The following TANC2 variants were observed in gnomAD, a reference collection of about 807,000 sequenced individuals.
The protein encoded by TANC2 is tetratricopeptide repeat, ankyrin repeat and coiled-coil containing 2.
In TANC2, 26 loss-of-function variants were observed where a neutral mutation model predicts 210.5. The observed-to-expected ratio is 0.12, with a 90% CI of 0.09 to 0.17. TANC2 has a LOEUF of 0.17. TANC2 is among the 10% of genes least tolerant of loss of function. The pLI, the probability that TANC2 is intolerant of heterozygous loss-of-function variation, is 1.00. For missense variants in TANC2, 2,129 were observed against 2,608.9 expected, an observed-to-expected ratio of 0.82 and a Z score of 4.01; for synonymous variants, 931 against 967.1, an observed-to-expected ratio of 0.96 and a Z score of 0.69.
chr17:63,102,095 G>A (rs1043153665), intron 4 of TANC2, among the ~76,000 whole-genome samples: 1 of 152,112 alleles, frequency 6.6e-6, no homozygotes, highest in African/African-American at 2.4e-5. Flanking sequence ...GAGGCCAGAA[G>A]TTTGAGACCA....
rs371281397 is a variant in TANC2 at position 63,063,674 on chromosome 17, T to TTGTGTGTGTGTGTGTGTG, written c.68-10261_68-10244dup. On this transcript the variant is annotated intron_variant, in intron 2 of 27. Coordinates refer to ENST00000689528, the Ensembl canonical transcript of TANC2. ...CAATATCACACTTTGTTACCCAGTATTGTGTGTGTGTGTGTGTGTGTGTGT... is the reference window on the plus strand; with the variant it reads ...CAATATCACACTTTGTTACCCAGTATTGTGTGTGTGTGTGTGTGTGTGTGTGTGTGTGTGTGTGTGTGT... 1.9e-3 allele frequency among the ~76,000 whole-genome samples: 256 copies of TTGTGTGTGTGTGTGTGTG among 137,482 alleles called. 1 individual carries two copies. The highest frequency in any genetic ancestry group is 4.8e-3 in the African/African-American group (177 of 36,898). The allele number at this position is 137,482 out of a possible 152,430, so 90.2% of individuals were successfully genotyped here. A position where few individuals can be genotyped will look rare whatever the true frequency, so the allele number is the denominator to read the frequency against.
chr17:62,966,238 G>C lies in TANC2; in HGVS notation c.-535G>C, dbSNP rs962554103. The stretch of plus-strand genomic sequence containing the variant: ...GGTGCGACGCCCCCAGCGCGGCGGC[G>C]GCGCTAGCGAGCGGCCGGCGGGGCG... On this transcript the variant is annotated 5_prime_UTR_variant, in exon 1 of 28. Coordinates refer to ENST00000689528, the Ensembl canonical transcript of TANC2. The surrounding 1 kb of genome is among the most constrained non-coding windows in gnomAD (Gnocchi z 5.1). Among the ~76,000 whole-genome samples the C allele has an allele frequency of 3.4e-5, 5 of 146,268 alleles. No homozygotes were observed. The highest frequency in any genetic ancestry group is 7.6e-5 in the Non-Finnish European group (5 of 65,856).
chr17:63,388,826 TAAG>T, intron 16 of TANC2, 69 bp downstream of exon 16: 1 of 1,209,418 alleles, frequency 8.3e-7, no homozygotes, highest in South Asian at 1.9e-5. Flanking sequence ...AGAAGGACAT[TAAG>T]TAGCTATTTA....
intron 15 of TANC2, among the ~76,000 whole-genome samples, chr17:63,380,215 A>C (rs1221804063): frequency 1.3e-5 from 2 of 152,214 alleles, no homozygotes; most frequent in East Asian, 1.9e-4. Flanking sequence ...TTTTAGTGAC[A>C]ATAATAACAT....
chr17:63,254,457 G>A (rs943842488), intron 8 of TANC2, among the ~76,000 whole-genome samples: 4 of 152,072 alleles, frequency 2.6e-5, no homozygotes, highest in Non-Finnish European at 5.9e-5. Flanking sequence ...CAGTTTGGAT[G>A]CCCTATATTT....
At chr17:63,298,705 AT>A (rs1350392139) in intron 9 of TANC2, among the ~76,000 whole-genome samples, 2 of 152,148 alleles carry the variant, frequency 1.3e-5, no homozygotes, top group African/African-American at 2.4e-5. Flanking sequence ...TAAAAAACTT[AT>A]GTGAAGAATA....
chr17:63,330,657 G>A (rs2045808114), intron 11 of TANC2, among the ~76,000 whole-genome samples: 1 of 152,104 alleles, frequency 6.6e-6, no homozygotes, highest in Non-Finnish European at 1.5e-5. Context: ...TTTCCAGACT[G>A]TTAAACATGG....
At chr17:63,076,163 C>A (rs2036565353) in intron 3 of TANC2, among the ~76,000 whole-genome samples, 1 of 152,114 alleles carries the variant, frequency 6.6e-6, no homozygotes, top group African/African-American at 2.4e-5. Flanking sequence ...CTCCCCAAAA[C>A]CACCTAACCA....
intron 9 of TANC2, among the ~76,000 whole-genome samples, chr17:63,306,808 G>A (rs2044925156): frequency 6.6e-6 from 1 of 152,136 alleles, no homozygotes; most frequent in South Asian, 2.1e-4. Context: ...TTTAAAAATA[G>A]TCACGTATGG....
At chr17:63,198,522 A>G (rs1363979311) in intron 6 of TANC2, among the ~76,000 whole-genome samples, 1 of 152,156 alleles carries the variant, frequency 6.6e-6, no homozygotes, top group Non-Finnish European at 1.5e-5. Context: ...TGGAATGACT[A>G]TAGCTATATC....
At chr17:62,981,367 C>T (rs1415792801) in intron 1 of TANC2, among the ~76,000 whole-genome samples, 1 of 152,116 alleles carries the variant, frequency 6.6e-6, no homozygotes, top group East Asian at 1.9e-4. Flanking sequence ...ACCTACCCCC[C>T]CTCACCTTCT....
intron 9 of TANC2, among the ~76,000 whole-genome samples, chr17:63,283,874 C>T (rs962314098): frequency 1.7e-4 from 26 of 151,850 alleles, no homozygotes; most frequent in Non-Finnish European, 3.2e-4. Flanking sequence ...GTTCTAATGA[C>T]TTTTTTTAAT....
intron 2 of TANC2, among the ~76,000 whole-genome samples, chr17:63,068,005 C>CT (rs1289060738): frequency 1.3e-5 from 2 of 152,194 alleles, no homozygotes; most frequent in African/African-American, 4.8e-5. Context: ...AATTCATACT[C>CT]TATCACTATG....
intron 2 of TANC2, among the ~76,000 whole-genome samples, chr17:63,010,736 A>G (rs1350940890): frequency 6.6e-6 from 1 of 152,190 alleles, no homozygotes; most frequent in African/African-American, 2.4e-5. Context: ...AATGGTGCAC[A>G]CAACTCATGA....
At chr17:63,380,675 G>A (rs2047577583) in intron 15 of TANC2, among the ~76,000 whole-genome samples, 2 of 152,164 alleles carry the variant, frequency 1.3e-5, no homozygotes, top group African/African-American at 2.4e-5. Flanking sequence ...ATCTTAAACA[G>A]TTCTCTGGGT....
At chr17:63,277,307 G>A (rs1400013557) in intron 9 of TANC2, among the ~76,000 whole-genome samples, 4 of 146,950 alleles carry the variant, frequency 2.7e-5, no homozygotes, top group Non-Finnish European at 6.0e-5. Flanking sequence ...TTTTATTTTA[G>A]GTTCCGGGGT....
chr17:63,338,017 C>G (rs1047520806), intron 11 of TANC2, among the ~76,000 whole-genome samples: 7 of 152,144 alleles, frequency 4.6e-5, no homozygotes, highest in African/African-American at 1.7e-4. Flanking sequence ...TGCAGTCTGC[C>G]ATTGATGGGC....
chr17:62,975,048 T>G (rs1049453922), intron 1 of TANC2, among the ~76,000 whole-genome samples: 1 of 152,186 alleles, frequency 6.6e-6, no homozygotes, highest in African/African-American at 2.4e-5. Flanking sequence ...AGTTTTTTAC[T>G]GCCATGGAAA....
chr17:63,175,511 A>G (rs1173667627), intron 5 of TANC2, among the ~76,000 whole-genome samples: 1 of 130,690 alleles, frequency 7.7e-6, no homozygotes, highest in African/African-American at 3.0e-5. Context: ...TGGGCGACGG[A>G]GTGAGACCCT....
Sources: allele counts gnomAD v4.1 joint callset (sites outside exome capture counted in the v4.1 genomes callset), GRCh38; gene constraint gnomAD v4.1.1; non-coding constraint Gnocchi (gnomAD v3.1); transcripts MANE v1.5; gene names NCBI Gene and HGNC (gene_info 2026-07-23, HGNC 2026-07-21).